CGNL1: variants seen among roughly 807,000 people sequenced by gnomAD.
The protein encoded by CGNL1 is cingulin-like protein 1.
A neutral mutation model predicts 141.2 loss-of-function variants in CGNL1; 132 were observed. The ratio of observed to expected loss-of-function variants is 0.93; its 90% CI spans 0.81 to 1.08. The LOEUF is 1.08. CGNL1 is among the 50% of genes least tolerant of loss of function. CGNL1 has a pLI of 0.00. For synonymous variants in CGNL1, 690 were observed against 622.1 expected (o/e 1.11, Z -1.63); for missense variants, 1,870 against 1,588.6 (o/e 1.18, Z -3.01).
At chr15:57,499,610 A>G (rs2063994033) in intron 8 of CGNL1, among the ~76,000 whole-genome samples, 1 of 152,176 alleles carries the variant, frequency 6.6e-6, no homozygotes, top group Admixed American at 6.5e-5. Context: ...TGATTCTCTG[A>G]GAAAGGACTC....
At chr15:57,502,143 A>AC (rs1453164044) in intron 8 of CGNL1, among the ~76,000 whole-genome samples, 7 of 152,268 alleles carry the variant, frequency 4.6e-5, no homozygotes, top group Admixed American at 4.6e-4. Context: ...GTGAGGAAGG[A>AC]CCTTGGACAG....
intron 8 of CGNL1, among the ~76,000 whole-genome samples, chr15:57,499,018 A>C (rs998950985): frequency 6.6e-6 from 1 of 152,106 alleles, no homozygotes; most frequent in Non-Finnish European, 1.5e-5. Flanking sequence ...GTGGAGGGTG[A>C]CATGATCTGA....
intron 8 of CGNL1, among the ~76,000 whole-genome samples, chr15:57,508,375 C>G (rs1044731599): frequency 2.0e-5 from 3 of 152,172 alleles, no homozygotes; most frequent in Admixed American, 6.5e-5. Flanking sequence ...ATGGCTCAAC[C>G]CCATCTTGCC....
intron 1 of CGNL1, among the ~76,000 whole-genome samples, chr15:57,410,194 C>T (rs1034375687): frequency 6.6e-5 from 10 of 152,220 alleles, no homozygotes; most frequent in African/African-American, 2.4e-4. Context: ...CAGACTCCGT[C>T]AGGATCCTAG....
chr15:57,464,375 A>G (rs1299451581), intron 8 of CGNL1, among the ~76,000 whole-genome samples: 2 of 152,196 alleles, frequency 1.3e-5, no homozygotes, highest in South Asian at 4.1e-4. Flanking sequence ...TTCAAATTAC[A>G]AAATAAATAA....
intron 8 of CGNL1, among the ~76,000 whole-genome samples, chr15:57,512,445 A>G (rs1271878121): frequency 6.6e-6 from 1 of 152,200 alleles, no homozygotes; most frequent in African/African-American, 2.4e-5. Context: ...ACATAGGCTC[A>G]TGTTAAATTA....
intron 1 of CGNL1, among the ~76,000 whole-genome samples, chr15:57,437,376 T>C (rs2063117563): frequency 6.6e-6 from 1 of 152,008 alleles, no homozygotes; most frequent in Admixed American, 6.6e-5. Flanking sequence ...GGTAAAAGTG[T>C]TGGAAACATT....
chr15:57,538,404 T>C (rs1229526898), intron 14 of CGNL1, among the ~76,000 whole-genome samples: 2 of 152,258 alleles, frequency 1.3e-5, no homozygotes, highest in Non-Finnish European at 1.5e-5. Context: ...CACTCTGATT[T>C]ATTTTACATT....
chr15:57,512,855 CACCTCAGCAA>C (rs2152401829), intron 8 of CGNL1, among the ~76,000 whole-genome samples: 1 of 152,260 alleles, frequency 6.6e-6, no homozygotes, highest in Admixed American at 6.5e-5. Context: ...CCCTCTCTAA[CACCTCAGCAA>C]ACCTCCAGAC....
intron 4 of CGNL1, among the ~76,000 whole-genome samples, chr15:57,450,461 G>T (rs1210630413): frequency 2.0e-5 from 3 of 152,176 alleles, no homozygotes; most frequent in African/African-American, 7.2e-5. Context: ...ATTTTTAGCA[G>T]AGATGGGGTT....
At chr15:57,471,691 C>T (rs1326255133) in intron 8 of CGNL1, among the ~76,000 whole-genome samples, 2 of 152,032 alleles carry the variant, frequency 1.3e-5, no homozygotes, top group South Asian at 2.1e-4. Context: ...TTCCCACCTG[C>T]GATGAACAGT....
chr15:57,486,642 G>T (rs2063789311), intron 8 of CGNL1, among the ~76,000 whole-genome samples: 1 of 152,160 alleles, frequency 6.6e-6, no homozygotes, highest in Non-Finnish European at 1.5e-5. Flanking sequence ...TTAGGTGACT[G>T]GTGAATATTG....
Position 57,438,218 on chromosome 15 carries a change from GCCA to G in CGNL1, c.222_224del (p.Pro75del). 6.2e-7 allele frequency: 1 copy of G among 1,614,126 alleles called. No individual in the cohort carries two copies. Among genetic ancestry groups the G allele is most frequent in the African/African-American group, 1.3e-5 (1 of 75,024 alleles). ...CAGGCACATCGTTTTCTGAAAATGG[GCCA>G]CCCTTTCCACCTCCAGTGATAAATA... On this transcript the variant is annotated inframe_deletion, in exon 2 of 19. Transcript: ENST00000281282.
intron 3 of CGNL1, 38 bp downstream of exon 3, chr15:57,440,509 G>A (rs748644034): frequency 7.1e-7 from 1 of 1,416,392 alleles, no homozygotes; most frequent in Non-Finnish European, 9.8e-7. Context: ...AAGTATTGTT[G>A]TTTCTGGTGG....
At chr15:57,502,105 G>A (rs1595771498) in intron 8 of CGNL1, among the ~76,000 whole-genome samples, 1 of 152,190 alleles carries the variant, frequency 6.6e-6, no homozygotes, top group Non-Finnish European at 1.5e-5. Context: ...CATGCTTTGA[G>A]AGAAGACTTA....
intron 4 of CGNL1, among the ~76,000 whole-genome samples, chr15:57,450,809 G>C (rs1417808995): frequency 6.6e-6 from 1 of 152,042 alleles, no homozygotes; most frequent in African/African-American, 2.4e-5. Flanking sequence ...GGGTAAATCT[G>C]ATATTTGCTA....
At chr15:57,522,040 C>T (rs2031294033) in intron 10 of CGNL1, among the ~76,000 whole-genome samples, 1 of 152,192 alleles carries the variant, frequency 6.6e-6, no homozygotes, top group South Asian at 2.1e-4. Flanking sequence ...AATCATCGAT[C>T]AACAGAAACC....
At chr15:57,453,559 A>T in intron 6 of CGNL1, 124 bp from the exon 7 acceptor site, 2 of 1,265,642 alleles carry the variant, frequency 1.6e-6, no homozygotes, top group Non-Finnish European at 2.2e-6. Flanking sequence ...AGTGCAGAAC[A>T]GAGAATGGGG....
At chr15:57,439,751 G>A (rs2063161625) in intron 2 of CGNL1, 150 bp downstream of exon 2, 3 of 845,130 alleles carry the variant, frequency 3.5e-6, no homozygotes, top group African/African-American at 3.4e-5. Flanking sequence ...ATCCAGTTGT[G>A]TCCTACTGAC....
Sources: gnomAD v4.1 joint callset for allele counts (sites outside exome capture counted in the v4.1 genomes callset) on GRCh38, gnomAD v4.1.1 for gene constraint, MANE v1.5 for transcripts, NCBI Gene and HGNC (gene_info 2026-07-23, HGNC 2026-07-21) for gene names.